The following SLC2A4RG variants were observed in gnomAD, a reference collection of about 807,000 sequenced individuals.
The protein encoded by SLC2A4RG is GLUT4 enhancer factor.
SLC2A4RG carries 23 observed loss-of-function variants against 35.5 expected under a neutral mutation model. That is an observed-to-expected ratio of 0.65 (90% CI 0.47 to 0.92). The LOEUF (loss-of-function observed/expected upper bound fraction) is 0.92. Ranked by LOEUF, SLC2A4RG falls within the 40% of genes least tolerant of loss-of-function variation. The pLI, the probability that SLC2A4RG is intolerant of heterozygous loss-of-function variation, is 0.00. For synonymous variants in SLC2A4RG, 306 were observed against 243.7 expected (o/e 1.26, Z -2.38); for missense variants, 539 against 525.0 (o/e 1.03, Z -0.26).
chr20:63,742,210 C>G lies in SLC2A4RG; in HGVS notation c.660C>G (p.His220Gln). 2 of 1,597,330 alleles carry G rather than the reference C, an allele frequency of 1.3e-6. No individual in the cohort carries two copies. Among genetic ancestry groups the G allele is most frequent in the Non-Finnish European group, 1.7e-6 (2 of 1,172,448 alleles). The change falls in exon 5 of 8, where the codon CAC becomes CAG. Residue 220 changes from histidine (H) to glutamine (Q), a missense_variant. Physicochemically the swap from His to Gln is conservative, Grantham distance 24. Coordinates refer to ENST00000266077, the MANE Select transcript of SLC2A4RG (RefSeq NM_020062.4). Reference protein sequence around the residue: ...VLSTASAMQRHIRLVHLGRQA... With the variant: ...VLSTASAMQRQIRLVHLGRQA... ...GCACGGCGTCGGCGATGCAGAGACA[C>G]ATCCGCCTGGTGCACCTGGGGTGCG...
At position 63,742,223 on chromosome 20, in the gene SLC2A4RG, CACCTGGGGTGCGGCGGG is replaced by C; in HGVS notation, c.674_680+10del. The C allele has an allele frequency of 6.3e-7, 1 of 1,595,704 alleles. No individual in the cohort carries two copies. On this transcript the variant is annotated splice_donor_variant and splice_donor_5th_base_variant and coding_sequence_variant and intron_variant, in exon 5 of 8. Transcript: ENST00000266077. LOFTEE classifies it high-confidence loss of function. ...GATGCAGAGACACATCCGCCTGGTG[CACCTGGGGTGCGGCGGG>C]GCCTGGGGTGCGGCGGGGCCTGCGG...
At chr20:63,740,195 G>A in intron 1 of SLC2A4RG, 157 bp downstream of exon 1, 1 of 386,210 alleles carries the variant, frequency 2.6e-6, no homozygotes, top group Non-Finnish European at 3.5e-6. Flanking sequence ...GGCTGCGCCG[G>A]GCGGCCGGGG....
intron 6 of SLC2A4RG, 32 bp downstream of exon 6, chr20:63,742,647 G>T: frequency 1.3e-6 from 2 of 1,580,774 alleles, no homozygotes; most frequent in Admixed American, 1.7e-5. Context: ...AGCTGGGGCG[G>T]GTCTCAGGGC....
chr20:63,741,789 TG>T, intron 3 of SLC2A4RG, 79 bp from the exon 4 acceptor site: 1 of 1,467,132 alleles, frequency 6.8e-7, no homozygotes, highest in Non-Finnish European at 9.0e-7. Flanking sequence ...TCACCGGACT[TG>T]GTGAACAGGG....
In SLC2A4RG at chr20:63,742,867, C is replaced by T. The variant is rs1289837990; in HGVS notation, c.1053-12C>T. 3 of 1,607,902 alleles carry T rather than the reference C, an allele frequency of 1.9e-6. No individual in the cohort carries two copies. The highest frequency in any genetic ancestry group is 1.7e-4 in the Middle Eastern group (1 of 6,046). ...TCTCACAGCACCCCATGTCCTGTGA[C>T]CCCCCGCACAGGAAGCCCCGCGGCG... On this transcript the variant is annotated splice_polypyrimidine_tract_variant and intron_variant, in intron 7 of 7. Coordinates refer to ENST00000266077, the MANE Select transcript of SLC2A4RG (RefSeq NM_020062.4).
Position 63,743,990 on chromosome 20 carries a change from T to C in SLC2A4RG, c.*1000T>C, listed in dbSNP as rs1196830925. On this transcript the variant is annotated 3_prime_UTR_variant, in exon 8 of 8. Transcript: ENST00000266077. ...CTTCAAACACTGCCCTTTTTTTGTG[T>C]GTTTTGTTTTTGTTGACAGGTTGAA... 2 of 152,296 alleles carry C rather than the reference T, an allele frequency of 1.3e-5. No individual in the cohort carries two copies. The highest frequency in any genetic ancestry group is 3.7e-4 in the East Asian group (2 of 5,342). 9.4% of individuals were successfully genotyped at this position (152,296 alleles called of 1,614,324 possible). A position where few individuals can be genotyped will look rare whatever the true frequency, so the allele number is the denominator to read the frequency against.
rs1183902394 is a variant in SLC2A4RG, at chr20:63,742,771, A to G, written c.1033A>G (p.Arg345Gly). 1.3e-6 allele frequency: 2 copies of G among 1,591,982 alleles called. No individual in the cohort carries two copies. Among genetic ancestry groups the G allele is most frequent in the Non-Finnish European group, 1.7e-6 (2 of 1,170,516 alleles). ...AGCCTGCCCACCCGCCTTGTCCTCC[A>G]GGATCGGAGTCACCCTGAGGTGCGT... Reference protein sequence around the residue: ...VGACPPALSSRIGVTLRKPRG... With the variant: ...VGACPPALSSGIGVTLRKPRG... Residue 345 changes from arginine (R) to glycine (G), a missense_variant, in exon 7 of 8, where the codon AGG (arginine) becomes GGG (glycine). Arg to Gly is a moderately radical substitution (Grantham distance 125). Transcript: ENST00000266077.
chr20:63,740,010 C>G lies in SLC2A4RG; in HGVS notation c.98C>G (p.Ala33Gly). Residue 33 changes from alanine to glycine, a missense_variant, in exon 1 of 8, where the codon GCG becomes GGG. By Grantham distance (60) the Ala-to-Gly change is moderately conservative. Transcript: ENST00000266077. Reference sequence around the variant, plus strand: ...GCGGAGGGTCCGGGGCCGCGCGCCGCGCCCGTGACGGTGCCCACGCCGCCG... The same window carrying G: ...GCGGAGGGTCCGGGGCCGCGCGCCGGGCCCGTGACGGTGCCCACGCCGCCG... ...LRAEGPGPRAAPVTVPTPPQG... is the reference protein window; with the variant it reads ...LRAEGPGPRAGPVTVPTPPQG... 4 of 981,380 alleles carry G rather than the reference C, an allele frequency of 4.1e-6. No individual in the cohort carries two copies. Among genetic ancestry groups the G allele is most frequent in the Non-Finnish European group, 4.8e-6 (4 of 828,594 alleles). 60.8% of individuals were successfully genotyped at this position (981,380 alleles called of 1,614,324 possible).
rs61736645 is a variant in SLC2A4RG at position 63,742,759 on chromosome 20, G to C, written c.1021G>C (p.Ala341Pro). The change falls in exon 7 of 8, where the codon GCC becomes CCC. Residue 341 changes from alanine to proline, a missense_variant. Coordinates refer to ENST00000266077, the MANE Select transcript of SLC2A4RG (RefSeq NM_020062.4). ...CACGGAGGTCGGAGCCTGCCCACCC[G>C]CCTTGTCCTCCAGGATCGGAGTCAC... is the stretch of plus-strand genomic sequence containing the variant. Reference protein sequence around the residue: ...QPTEVGACPPALSSRIGVTLR... With the variant: ...QPTEVGACPPPLSSRIGVTLR... 1.7e-3 allele frequency: 2,674 copies of C among 1,593,250 alleles called. 18 individuals are homozygous for C. The highest frequency in any genetic ancestry group is 0.016 in the African/African-American group (1,194 of 74,698).
intron 3 of SLC2A4RG, 21 bp from the exon 4 acceptor site, chr20:63,741,848 G>A (rs905482182): frequency 7.7e-6 from 12 of 1,562,288 alleles, no homozygotes; most frequent in Non-Finnish European, 1.0e-5. Context: ...GTTCTAAGGC[G>A]GGGGGCCCGT....
In SLC2A4RG at chr20:63,742,896, C is replaced by T. The variant is rs1255619520; in HGVS notation, c.1070C>T (p.Ala357Val). 3.7e-6 allele frequency: 6 copies of T among 1,611,970 alleles called. No homozygotes were observed. Among genetic ancestry groups the T allele is most frequent in the Non-Finnish European group, 5.1e-6 (6 of 1,179,360 alleles). ...GVTLRKPRGD[A>V]KKCRKVYGME... ...CCGCACAGGAAGCCCCGCGGCGACG[C>T]GAAGAAGTGCCGGAAGGTGTATGGC... The change falls in exon 8 of 8, where the codon GCG becomes GTG. Residue 357 changes from alanine to valine, a missense_variant. Physicochemically the swap from Ala to Val is moderately conservative, Grantham distance 64 (BLOSUM62 0). Coordinates refer to ENST00000266077, the MANE Select transcript of SLC2A4RG (RefSeq NM_020062.4).
chr20:63,743,602 A>AC lies in SLC2A4RG; in HGVS notation c.*615dup, dbSNP rs2092057570. ...AGCTGCCCACAGAGGGCCGAGGGTC[A>AC]CCCGTCGGCCGCCGCCACCCCAGGC... On this transcript the variant is annotated 3_prime_UTR_variant, in exon 8 of 8. Coordinates refer to ENST00000266077, the MANE Select transcript of SLC2A4RG (RefSeq NM_020062.4). 1 of 152,326 alleles carries AC rather than the reference A, an allele frequency of 6.6e-6. No individual in the cohort carries two copies. Among genetic ancestry groups the AC allele is most frequent in the African/African-American group, 2.4e-5 (1 of 41,438 alleles). The allele number at this position is 152,326 out of a possible 1,614,324, so 9.4% of individuals were successfully genotyped here. A position where few individuals can be genotyped will look rare whatever the true frequency, so the allele number is the denominator to read the frequency against.
intron 2 of SLC2A4RG, among the ~76,000 whole-genome samples, chr20:63,740,734 G>A (rs985732447): frequency 3.9e-5 from 6 of 152,228 alleles, no homozygotes; most frequent in Non-Finnish European, 8.8e-5. Context: ...GCAGTTCCTC[G>A]GGGCTAGAGC....
chr20:63,741,511 G>T, intron 3 of SLC2A4RG, 32 bp downstream of exon 3: 1 of 1,588,534 alleles, frequency 6.3e-7, no homozygotes, highest in East Asian at 2.2e-5. Flanking sequence ...TTAGGGGTGT[G>T]GGTGGGGACA....
Position 63,742,338 on chromosome 20 carries a change from G to A in SLC2A4RG, c.683G>A (p.Arg228Lys). Residue 228 changes from arginine to lysine, a missense_variant and splice_region_variant, in exon 6 of 8, where the codon AGG (arginine) becomes AAG (lysine). Arg to Lys is a conservative substitution (Grantham distance 26). Transcript: ENST00000266077. ...CTGGCTGGCTGTGTCTCCCGCAGGAGGCAGGCAGAGCCTGAGCAGAGTGAT... is the reference window on the plus strand; with the variant it reads ...CTGGCTGGCTGTGTCTCCCGCAGGAAGCAGGCAGAGCCTGAGCAGAGTGAT... ...QRHIRLVHLG[R>K]QAEPEQSDGE... 3 of 1,607,790 alleles carry A rather than the reference G, an allele frequency of 1.9e-6. No individual in the cohort carries two copies. The highest frequency in any genetic ancestry group is 2.5e-6 in the Non-Finnish European group (3 of 1,176,712).
rs751517106 is a variant in SLC2A4RG, at chr20:63,742,611, A to G, written c.956A>G (p.Tyr319Cys). Residue 319 changes from tyrosine (Y) to cysteine (C), a missense_variant, in exon 6 of 8, where the codon TAC becomes TGC. Coordinates refer to ENST00000266077, the MANE Select transcript of SLC2A4RG (RefSeq NM_020062.4). ...NPQSCHSDRV[Y>C]QGCLTPARLE... ...CAGTCCTGTCACAGTGACCGTGTCT[A>G]CCAGGTGGGTGAGGCCACGGGTGGC... The G allele has an allele frequency of 1.3e-6, 2 of 1,576,290 alleles. No homozygotes were observed. The highest frequency in any genetic ancestry group is 1.7e-6 in the Non-Finnish European group (2 of 1,156,384).
rs776723031 is a variant in SLC2A4RG at position 63,742,091 on chromosome 20, T to G, written c.579+35T>G. On this transcript the variant is annotated intron_variant, in intron 4 of 7. Coordinates refer to ENST00000266077, the MANE Select transcript of SLC2A4RG (RefSeq NM_020062.4). ...GGGGCGGCCCCCAGGGAGGGGCGGG[T>G]GTGGCGGCTGAGCCTGACCCTGGCC... 5.0e-5 allele frequency: 80 copies of G among 1,604,820 alleles called. 1 individual carries two copies. The East Asian group carries it at 1.7e-3, about 34-fold the overall frequency.
chr20:63,741,769 C>T, intron 3 of SLC2A4RG, 100 bp from the exon 4 acceptor site: 1 of 1,450,364 alleles, frequency 6.9e-7, no homozygotes, highest in Non-Finnish European at 9.1e-7. Flanking sequence ...AGACGCTCTG[C>T]CCACCAGTCT....
chr20:63,740,431 T>A lies in SLC2A4RG; in HGVS notation c.181T>A (p.Ser61Thr). Residue 61 changes from serine (S) to threonine (T), a missense_variant, in exon 2 of 8, where the codon TCG becomes ACG. Coordinates refer to ENST00000266077, the MANE Select transcript of SLC2A4RG (RefSeq NM_020062.4). ...AGLEFARPQESEPRASDLGAP... is the reference protein window; with the variant it reads ...AGLEFARPQETEPRASDLGAP... ...CTTGGAGTTCGCGCGGCCGCAGGAGTCGGAGCCGCGGGCCTCGGACCTGGG... is the reference window on the plus strand; with the variant it reads ...CTTGGAGTTCGCGCGGCCGCAGGAGACGGAGCCGCGGGCCTCGGACCTGGG... 1.6e-6 allele frequency: 2 copies of A among 1,227,924 alleles called. No homozygotes were observed. Among genetic ancestry groups the A allele is most frequent in the Non-Finnish European group, 2.0e-6 (2 of 985,334 alleles). 76.1% of individuals were successfully genotyped at this position (1,227,924 alleles called of 1,614,324 possible).
Sources: gnomAD v4.1 joint callset for allele counts (sites outside exome capture counted in the v4.1 genomes callset) on GRCh38, gnomAD v4.1.1 for gene constraint, MANE v1.5 for transcripts, NCBI Gene and HGNC (gene_info 2026-07-23, HGNC 2026-07-21) for gene names.